The following CCDC102B variants were observed in gnomAD, a reference collection of about 807,000 sequenced individuals.
CCDC102B encodes coiled-coil domain-containing protein 102B.
Under a neutral mutation model 57.4 loss-of-function variants are expected in CCDC102B, and 75 were observed. That is an observed-to-expected ratio of 1.31 (90% CI 1.08 to 1.58). The LOEUF is 1.58. Ranked by LOEUF, CCDC102B falls within the 40% of genes most tolerant of loss-of-function variation. CCDC102B has a pLI of 0.00. For synonymous variants in CCDC102B, 206 were observed against 201.9 expected, an observed-to-expected ratio of 1.02 and a Z score of -0.17; for missense variants, 636 against 582.6, an observed-to-expected ratio of 1.09 and a Z score of -0.94.
intron 6 of CCDC102B, among the ~76,000 whole-genome samples, chr18:68,907,008 C>CA (rs2040674776): frequency 6.6e-6 from 1 of 151,976 alleles, no homozygotes. Flanking sequence ...GGTCCACATT[C>CA]ATCATTTTCC....
intron 4 of CCDC102B, among the ~76,000 whole-genome samples, chr18:68,852,122 G>A (rs1192608580): frequency 7.4e-6 from 1 of 135,594 alleles, no homozygotes; most frequent in Non-Finnish European, 1.7e-5. Context: ...CCCGGAAGGT[G>A]TGGCCACTTC....
chr18:68,733,650 CTA>C (rs2032999033), intron 2 of CCDC102B, among the ~76,000 whole-genome samples: 1 of 151,782 alleles, frequency 6.6e-6, no homozygotes. Context: ...TTGCTAATCT[CTA>C]TAGATAATTA....
chr18:68,976,281 T>C (rs980265877), intron 6 of CCDC102B, among the ~76,000 whole-genome samples: 5 of 152,156 alleles, frequency 3.3e-5, no homozygotes, highest in Admixed American at 2.6e-4. Flanking sequence ...ATGCTTTGAA[T>C]AGTAACTGGT....
intron 2 of CCDC102B, among the ~76,000 whole-genome samples, chr18:68,730,047 C>CT (rs749028862): frequency 1.3e-5 from 2 of 152,130 alleles, no homozygotes; most frequent in Non-Finnish European, 2.9e-5. Flanking sequence ...GTACCATTGA[C>CT]TTTCATTTTG....
At chr18:68,834,802 T>C (rs1470924497) in intron 1 of CCDC102B, among the ~76,000 whole-genome samples, 1 of 151,876 alleles carries the variant, frequency 6.6e-6, no homozygotes, top group Non-Finnish European at 1.5e-5. Context: ...TTTTAAAATA[T>C]TATATAGTCT....
At chr18:69,015,446 T>TATCA (rs1370062907) in intron 7 of CCDC102B, among the ~76,000 whole-genome samples, 1 of 152,240 alleles carries the variant, frequency 6.6e-6, no homozygotes, top group African/African-American at 2.4e-5. Context: ...TTTAAATAGC[T>TATCA]ATCAGCATCT....
chr18:68,949,925 T>A (rs2049647373), intron 6 of CCDC102B, among the ~76,000 whole-genome samples: 1 of 152,156 alleles, frequency 6.6e-6, no homozygotes, highest in African/African-American at 2.4e-5. Context: ...AATTTCTGAT[T>A]TAAGTATAGG....
At chr18:68,938,818 A>G (rs560763693) in intron 6 of CCDC102B, among the ~76,000 whole-genome samples, 1 of 151,864 alleles carries the variant, frequency 6.6e-6, no homozygotes, top group South Asian at 2.1e-4. Flanking sequence ...TATAGAATCT[A>G]TATACCTATC....
At chr18:68,762,388 GTTGT>G (rs368811588) in intron 2 of CCDC102B, among the ~76,000 whole-genome samples, 44 of 151,880 alleles carry the variant, frequency 2.9e-4, no homozygotes, top group African/African-American at 9.4e-4. Flanking sequence ...GTTTTTTGTT[GTTGT>G]TTGTTTTTTG....
At chr18:68,954,501 G>C (rs926347987) in intron 6 of CCDC102B, among the ~76,000 whole-genome samples, 2 of 152,130 alleles carry the variant, frequency 1.3e-5, no homozygotes, top group Non-Finnish European at 2.9e-5. Flanking sequence ...TAACCAACTG[G>C]ATTCATTATT....
intron 5 of CCDC102B, among the ~76,000 whole-genome samples, chr18:68,895,509 A>G (rs977769967): frequency 6.6e-6 from 1 of 151,790 alleles, no homozygotes; most frequent in Non-Finnish European, 1.5e-5. Flanking sequence ...AGATTTTATA[A>G]CAGTATAATA....
In CCDC102B at chr18:69,054,311, C is replaced by G. The variant is rs1257625703; in HGVS notation, c.*174C>G. 4 of 1,271,044 alleles carry G rather than the reference C, an allele frequency of 3.1e-6. No individual in the cohort carries two copies. The highest frequency in any genetic ancestry group is 3.0e-4 in the Middle Eastern group (1 of 3,308). 78.7% of individuals were successfully genotyped at this position (1,271,044 alleles called of 1,614,324 possible). On this transcript the variant is annotated 3_prime_UTR_variant, in exon 8 of 8. Coordinates refer to ENST00000360242, the MANE Select transcript of CCDC102B (RefSeq NM_024781.3). ...TCTTCTAATTTTTGCCTAACAGATA[C>G]TGCATATTCTCAAAAAGACAATTTA...
Position 68,956,511 on chromosome 18 carries a change from A to C in CCDC102B, c.1264-54423A>C. ...TATATATATAAAATATATAATATAT[A>C]TATCGCATATTATATATATTATATA... On this transcript the variant is annotated intron_variant, in intron 6 of 7. Coordinates refer to ENST00000360242, the MANE Select transcript of CCDC102B (RefSeq NM_024781.3). Among the ~76,000 whole-genome samples the C allele has an allele frequency of 6.2e-5, 3 of 48,192 alleles. 1 individual carries two copies. The East Asian group carries it at 2.1e-3, about 33-fold the overall frequency. 31.6% of individuals were successfully genotyped at this position (48,192 alleles called of 152,430 possible). A position where few individuals can be genotyped will look rare whatever the true frequency, so the allele number is the denominator to read the frequency against.
intron 6 of CCDC102B, among the ~76,000 whole-genome samples, chr18:68,921,727 G>A (rs1026424637): frequency 3.3e-5 from 5 of 152,134 alleles, no homozygotes; most frequent in African/African-American, 7.2e-5. Context: ...AATGGGGAGC[G>A]TAATCCTACA....
At chr18:68,787,340 C>T (rs2035252256) in intron 2 of CCDC102B, among the ~76,000 whole-genome samples, 2 of 151,702 alleles carry the variant, frequency 1.3e-5, no homozygotes, top group Admixed American at 6.6e-5. Context: ...ATGCTGGCCT[C>T]ATAAAATGAG....
intron 2 of CCDC102B, among the ~76,000 whole-genome samples, chr18:68,742,009 A>C (rs764625194): frequency 6.6e-5 from 10 of 152,236 alleles, no homozygotes; most frequent in Non-Finnish European, 1.3e-4. Context: ...ACATCAAAAA[A>C]TGGAGGCTGA....
intron 5 of CCDC102B, among the ~76,000 whole-genome samples, chr18:68,889,866 G>A (rs954042097): frequency 6.6e-6 from 1 of 152,062 alleles, no homozygotes; most frequent in African/African-American, 2.4e-5. Flanking sequence ...ATCCCTTTTA[G>A]GCTAAAACTA....
chr18:68,749,727 G>A (rs994097119), intron 2 of CCDC102B, among the ~76,000 whole-genome samples: 1 of 152,072 alleles, frequency 6.6e-6, no homozygotes, highest in African/African-American at 2.4e-5. Flanking sequence ...TGCAAACAGC[G>A]ACAATTTGAC....
intron 2 of CCDC102B, among the ~76,000 whole-genome samples, chr18:68,790,089 A>ATGG (rs1568251379): frequency 1.1e-4 from 15 of 140,322 alleles, no homozygotes; most frequent in Non-Finnish European, 2.0e-4. Flanking sequence ...ATACCCTGCC[A>ATGG]TGTGAGGTGT....
Sources: gnomAD v4.1 joint callset for allele counts (sites outside exome capture counted in the v4.1 genomes callset) on GRCh38, gnomAD v4.1.1 for gene constraint, MANE v1.5 for transcripts, NCBI Gene and HGNC (gene_info 2026-07-23, HGNC 2026-07-21) for gene names.